The following CCDC148 variants were observed in gnomAD, a reference collection of about 807,000 sequenced individuals.
The protein encoded by CCDC148 is coiled-coil domain-containing protein 148.
A neutral mutation model predicts 85.7 loss-of-function variants in CCDC148; 89 were observed. The ratio of observed to expected loss-of-function variants is 1.04; its 90% CI spans 0.87 to 1.24. The LOEUF (loss-of-function observed/expected upper bound fraction) is 1.24, where lower values mean the gene tolerates loss of function less well. Ranked by LOEUF, CCDC148 falls within the 50% of genes most tolerant of loss-of-function variation. The pLI is 0.00. For synonymous variants in CCDC148, 230 were observed against 213.9 expected (o/e 1.08, Z -0.66); for missense variants, 692 against 671.7 (o/e 1.03, Z -0.33).
intron 9 of CCDC148, among the ~76,000 whole-genome samples, chr2:158,267,285 A>G (rs1189871285): frequency 2.0e-5 from 3 of 151,570 alleles, no homozygotes; most frequent in African/African-American, 7.3e-5. Flanking sequence ...ACACCTACAC[A>G]CCTCTTGTTT....
In CCDC148 at chr2:158,456,475, C is replaced by T; in HGVS notation, c.-36G>A. On this transcript the variant is annotated 5_prime_UTR_variant, in exon 1 of 14. Transcript: ENST00000283233. ...AAAGGGCATAGCCTCAGGGACTCCC[C>T]AAACGCAGGAAAAGTGAAACGCCCA... The T allele has an allele frequency of 6.2e-7, 1 of 1,603,904 alleles. No individual in the cohort carries two copies. The highest frequency in any genetic ancestry group is 8.5e-7 in the Non-Finnish European group (1 of 1,175,292).
chr2:158,393,412 G>C (rs1462482246), intron 1 of CCDC148: 1 of 152,146 alleles, frequency 6.6e-6, no homozygotes, highest in Non-Finnish European at 1.5e-5. Flanking sequence ...GGTGGAGAAA[G>C]ATAGGACAGG....
Position 158,345,240 on chromosome 2 carries a change from C to A in CCDC148, c.226G>T (p.Glu76Ter). 1.2e-6 allele frequency: 2 copies of A among 1,613,498 alleles called. No homozygotes were observed. Among genetic ancestry groups the A allele is most frequent in the Non-Finnish European group, 1.7e-6 (2 of 1,179,684 alleles). ...CTGACTTCATTCAGCCTCTGGTATT[C>A]CTGCCACCACACTTGCTTGTGTTGT... ...IKQHKQVWWQEYQRLNEVRCK... is the reference protein window; with the variant it reads ...IKQHKQVWWQ The change falls in exon 3 of 14, where the codon GAA becomes TAA. Residue 76 changes from glutamate (E) to a stop codon, truncating the protein, a stop_gained. Transcript: ENST00000283233. LOFTEE classifies it high-confidence loss of function.
intron 2 of CCDC148, among the ~76,000 whole-genome samples, chr2:158,349,677 T>C (rs73968926): frequency 6.6e-6 from 1 of 151,890 alleles, no homozygotes; most frequent in African/African-American, 2.4e-5. Context: ...ACTTGCCACC[T>C]CTAAATTAAA....
chr2:158,382,171 C>A (rs1287710882), intron 1 of CCDC148, among the ~76,000 whole-genome samples: 1 of 152,124 alleles, frequency 6.6e-6, no homozygotes, highest in Non-Finnish European at 1.5e-5. Flanking sequence ...ATGCTGCTGG[C>A]ACCTCAGGCT....
intron 11 of CCDC148, among the ~76,000 whole-genome samples, chr2:158,202,774 A>G (rs1014543075): frequency 2.0e-5 from 3 of 152,112 alleles, no homozygotes; most frequent in Non-Finnish European, 4.4e-5. Context: ...TGACCATTTA[A>G]ACATGCAAAA....
At chr2:158,228,962 C>CA (rs1461155505) in intron 10 of CCDC148, among the ~76,000 whole-genome samples, 3 of 100,874 alleles carry the variant, frequency 3.0e-5, no homozygotes, top group African/African-American at 1.2e-4. Context: ...AGTATAATAA[C>CA]AAAACAAAAA....
chr2:158,342,890 A>T (rs926804079), intron 3 of CCDC148, among the ~76,000 whole-genome samples: 3 of 152,242 alleles, frequency 2.0e-5, no homozygotes, highest in African/African-American at 4.8e-5. Flanking sequence ...GATTAAGCAT[A>T]ACACAATTTA....
At position 158,347,172 on chromosome 2, in the gene CCDC148, C is replaced by T. The variant is rs1490551605; in HGVS notation, c.148-1854G>A. Among the ~76,000 whole-genome samples, 3 of 151,978 alleles carry T rather than the reference C, an allele frequency of 2.0e-5. No homozygotes were observed. The East Asian group carries it at 5.8e-4, about 29-fold the overall frequency. On this transcript the variant is annotated intron_variant, in intron 2 of 13. Coordinates refer to ENST00000283233, the MANE Select transcript of CCDC148 (RefSeq NM_138803.4). ...CATACACAGTCTCTAAAGTTTGTTG[C>T]AACAGATACAACTTTTAAAATTAGA... is the stretch of plus-strand genomic sequence containing the variant.
intron 1 of CCDC148, among the ~76,000 whole-genome samples, chr2:158,431,811 G>T (rs187601030): frequency 5.3e-5 from 8 of 152,232 alleles, no homozygotes; most frequent in African/African-American, 1.9e-4. Flanking sequence ...GATGGTGTGT[G>T]CCTGTAATCG....
At chr2:158,295,637 CA>C (rs1159436282) in intron 9 of CCDC148, among the ~76,000 whole-genome samples, 13 of 136,670 alleles carry the variant, frequency 9.5e-5, no homozygotes, top group Non-Finnish European at 2.1e-4. Flanking sequence ...ATCATTATCT[CA>C]ATAGATGCAG....
chr2:158,289,958 T>C (rs903951915), intron 9 of CCDC148, among the ~76,000 whole-genome samples: 2 of 152,100 alleles, frequency 1.3e-5, no homozygotes, highest in Non-Finnish European at 2.9e-5. Flanking sequence ...AACTAAATTA[T>C]ATTACTCAGG....
chr2:158,176,001 C>G (rs1047479659), intron 13 of CCDC148, among the ~76,000 whole-genome samples: 6 of 151,988 alleles, frequency 3.9e-5, no homozygotes, highest in Admixed American at 2.0e-4. Flanking sequence ...AAAATGAACC[C>G]TAGGTTCCTA....
intron 9 of CCDC148, among the ~76,000 whole-genome samples, chr2:158,282,235 T>C (rs1690356152): frequency 2.0e-5 from 3 of 152,096 alleles, no homozygotes; most frequent in African/African-American, 7.2e-5. Flanking sequence ...GGATGCCCTC[T>C]CTCACCACTC....
chr2:158,236,718 T>C (rs892623919), intron 10 of CCDC148, among the ~76,000 whole-genome samples: 1 of 152,132 alleles, frequency 6.6e-6, no homozygotes, highest in Non-Finnish European at 1.5e-5. Context: ...TGTTAAGACC[T>C]CTCAGCTTGG....
At chr2:158,278,424 A>C (rs945244433) in intron 9 of CCDC148, among the ~76,000 whole-genome samples, 2 of 152,188 alleles carry the variant, frequency 1.3e-5, no homozygotes, top group African/African-American at 4.8e-5. Flanking sequence ...CTCCCACCCT[A>C]ATACCGCACT....
At chr2:158,431,488 TAAA>T (rs762125420) in intron 1 of CCDC148, among the ~76,000 whole-genome samples, 24,876 of 146,964 alleles carry the variant, frequency 0.17, 2,204 homozygotes, top group Middle Eastern at 0.22. Flanking sequence ...AGGTGTTTTT[TAAA>T]AAAAAAAAAA....
intron 2 of CCDC148, among the ~76,000 whole-genome samples, chr2:158,357,992 A>C (rs1683747837): frequency 6.6e-6 from 1 of 152,130 alleles, no homozygotes; most frequent in Non-Finnish European, 1.5e-5. Context: ...TCTCCTTTCA[A>C]ATCTAGCCTA....
intron 1 of CCDC148, among the ~76,000 whole-genome samples, chr2:158,435,406 A>C (rs1235692796): frequency 4.6e-5 from 7 of 152,192 alleles, no homozygotes; most frequent in East Asian, 3.9e-4. Context: ...GAAATAAAAT[A>C]CTTTACAGAC....
Sources: gnomAD v4.1 joint callset for allele counts (sites outside exome capture counted in the v4.1 genomes callset) on GRCh38, gnomAD v4.1.1 for gene constraint, MANE v1.5 for transcripts, NCBI Gene and HGNC (gene_info 2026-07-23, HGNC 2026-07-21) for gene names.